Variants in GALM observed in about 807,000 individuals in gnomAD.
GALM encodes the protein galactose mutarotase, also known as aldose 1-epimerase.
A neutral mutation model predicts 37.4 loss-of-function variants in GALM; 43 were observed. The ratio of observed to expected loss-of-function variants is 1.15; its 90% CI spans 0.90 to 1.48. The LOEUF (loss-of-function observed/expected upper bound fraction) is 1.48, where lower values mean the gene tolerates loss of function less well. Ranked by LOEUF, GALM falls within the 40% of genes most tolerant of loss-of-function variation. The pLI is 0.00. For synonymous variants in GALM, 199 were observed against 170.6 expected (o/e 1.17, Z -1.30); for missense variants, 456 against 419.1 (o/e 1.09, Z -0.77).
chr2:38,721,167 A>T (rs1666368975), intron 4 of GALM, among the ~76,000 whole-genome samples: 1 of 152,236 alleles, frequency 6.6e-6, no homozygotes, highest in Non-Finnish European at 1.5e-5. Flanking sequence ...AAGACAAGAG[A>T]TATGAATCAA....
At chr2:38,722,051 C>CG (rs1558596067) in intron 4 of GALM, among the ~76,000 whole-genome samples, 1 of 121,794 alleles carries the variant, frequency 8.2e-6, no homozygotes, top group African/African-American at 2.9e-5. Flanking sequence ...CCCCCCCCCC[C>CG]CACCTAGAAC....
chr2:38,702,212 C>G (rs1665934451), intron 4 of GALM, among the ~76,000 whole-genome samples: 1 of 152,084 alleles, frequency 6.6e-6, no homozygotes, highest in African/African-American at 2.4e-5. Context: ...TAAGATCTAT[C>G]TTCCATGTAA....
chr2:38,678,237 C>T (rs148396588), intron 2 of GALM, among the ~76,000 whole-genome samples: 1,775 of 152,056 alleles, frequency 0.012, 29 homozygotes, highest in African/African-American at 0.039. Context: ...CTCAAACTCC[C>T]GACCTCAGGT....
rs1664925662 is a variant in GALM at position 38,666,158 on chromosome 2, C to T, written c.-4C>T. 1.2e-6 allele frequency: 2 copies of T among 1,609,266 alleles called. No homozygotes were observed. The highest frequency in any genetic ancestry group is 1.7e-6 in the Non-Finnish European group (2 of 1,177,310). On this transcript the variant is annotated 5_prime_UTR_variant, in exon 1 of 7. Coordinates refer to ENST00000272252, the MANE Select transcript of GALM (RefSeq NM_138801.3). ...GCAGTGGCTGCACACGCCAAACTTT[C>T]CCTATGGCTTCGGTGACCAGGGCCG...
Position 38,675,546 on chromosome 2 carries a change from TGTGTGTGTGTGTGTGTG to T in GALM, c.191-365_191-349del, listed in dbSNP as rs1558577691. Reference sequence around the variant, plus strand: ...TTTTTGTTTTTTTTTTTTTTTTTTGTGTGTGTGTGTGTGTGTGTGTGTGTGTGTGTGTGTGTGTGTGT... The same window carrying T: ...TTTTTGTTTTTTTTTTTTTTTTTTGTTGTGTGTGTGTGTGTGTGTGTGTGT... On this transcript the variant is annotated intron_variant, in intron 1 of 6. Coordinates refer to ENST00000272252, the MANE Select transcript of GALM (RefSeq NM_138801.3). 5.1e-3 allele frequency among the ~76,000 whole-genome samples: 349 copies of T among 67,830 alleles called. 13 individuals are homozygous for T. Among genetic ancestry groups the T allele is most frequent in the African/African-American group, 0.025 (325 of 12,994 alleles). 44.5% of individuals were successfully genotyped at this position (67,830 alleles called of 152,430 possible). A position where few individuals can be genotyped will look rare whatever the true frequency, so the allele number is the denominator to read the frequency against.
At chr2:38,691,522 A>G (rs1301654843) in intron 4 of GALM, among the ~76,000 whole-genome samples, 2 of 150,446 alleles carry the variant, frequency 1.3e-5, no homozygotes, top group Admixed American at 1.3e-4. Flanking sequence ...TCAACAAAAA[A>G]TTGAAAAAAA....
At chr2:38,715,987 T>C (rs185759997) in intron 4 of GALM, among the ~76,000 whole-genome samples, 40 of 152,334 alleles carry the variant, frequency 2.6e-4, no homozygotes, top group Admixed American at 5.9e-4. Flanking sequence ...AGCCAGCCTT[T>C]AAATCCAGGC....
At chr2:38,708,715 C>A (rs62142659) in intron 4 of GALM, among the ~76,000 whole-genome samples, 1 of 136,794 alleles carries the variant, frequency 7.3e-6, no homozygotes, top group Admixed American at 7.9e-5. Flanking sequence ...GGTGATAGAG[C>A]GAGACTCTGT....
chr2:38,669,522 C>CG (rs1410288052), intron 1 of GALM: 1 of 152,242 alleles, frequency 6.6e-6, no homozygotes, highest in Non-Finnish European at 1.5e-5. Flanking sequence ...GTCTGCGGCT[C>CG]GTCCTGCTAC....
At chr2:38,716,127 G>A (rs554535823) in intron 4 of GALM, among the ~76,000 whole-genome samples, 11 of 152,316 alleles carry the variant, frequency 7.2e-5, no homozygotes, top group African/African-American at 2.6e-4. Flanking sequence ...GGGATATGCA[G>A]TTTGCCTAAT....
At chr2:38,729,409 T>A (rs1486126716) in intron 4 of GALM, 147 bp from the exon 5 acceptor site, 3 of 477,760 alleles carry the variant, frequency 6.3e-6, no homozygotes, top group African/African-American at 4.0e-5. Flanking sequence ...ATGGGGTCTC[T>A]GCATGTTTCC....
chr2:38,721,302 G>C (rs929161787), intron 4 of GALM, among the ~76,000 whole-genome samples: 17 of 152,290 alleles, frequency 1.1e-4, no homozygotes, highest in Middle Eastern at 3.4e-3. Flanking sequence ...GATCTGGAAT[G>C]TTATAAAGTC....
At chr2:38,691,071 G>A (rs958529303) in intron 4 of GALM, among the ~76,000 whole-genome samples, 1 of 152,150 alleles carries the variant, frequency 6.6e-6, no homozygotes, top group Admixed American at 6.5e-5. Context: ...TGGTCCTAGA[G>A]GCAGAATTAC....
At chr2:38,729,486 T>C in intron 4 of GALM, 70 bp from the exon 5 acceptor site, 2 of 1,421,808 alleles carry the variant, frequency 1.4e-6, no homozygotes, top group Non-Finnish European at 1.9e-6. Context: ...CCAGTGAGCC[T>C]TTGTGGAGGC....
At chr2:38,674,478 G>A (rs886423874) in intron 1 of GALM, among the ~76,000 whole-genome samples, 7 of 152,226 alleles carry the variant, frequency 4.6e-5, no homozygotes, top group African/African-American at 1.4e-4. Flanking sequence ...GTGAGCCACC[G>A]CGCCTGGACA....
chr2:38,720,002 G>A (rs1666344356), intron 4 of GALM, among the ~76,000 whole-genome samples: 1 of 151,710 alleles, frequency 6.6e-6, no homozygotes, highest in South Asian at 2.1e-4. Context: ...AGGAGTTTGA[G>A]ACCAGCCTGG....
intron 4 of GALM, among the ~76,000 whole-genome samples, chr2:38,729,190 T>A (rs1666545229): frequency 6.6e-6 from 1 of 150,914 alleles, no homozygotes. Context: ...TTCCCCACCC[T>A]CTCCATATTT....
Position 38,669,879 on chromosome 2 carries a change from GA to G in GALM, c.190+3537del, listed in dbSNP as rs1203651225. 6.6e-5 allele frequency among the ~76,000 whole-genome samples: 9 copies of G among 136,648 alleles called. No individual in the cohort carries two copies. The East Asian group carries it at 1.2e-3, about 18-fold the overall frequency. The allele number at this position is 136,648 out of a possible 152,430, so 89.6% of individuals were successfully genotyped here. On this transcript the variant is annotated intron_variant, in intron 1 of 6. Transcript: ENST00000272252. ...AAAGCAAGACTTCATCTCAAAAGAA[GA>G]AAAAAAAAGTTTTTCTTTTTTTTTT...
intron 2 of GALM, chr2:38,680,260 G>T (rs1000548269): frequency 2.0e-5 from 5 of 252,544 alleles, no homozygotes; most frequent in Non-Finnish European, 3.9e-5. Flanking sequence ...GAGCTCAAGC[G>T]ATCCTCCTGC....
Sources: gnomAD v4.1 joint callset for allele counts (sites outside exome capture counted in the v4.1 genomes callset) on GRCh38, gnomAD v4.1.1 for gene constraint, MANE v1.5 for transcripts, NCBI Gene and HGNC (gene_info 2026-07-23, HGNC 2026-07-21) for gene names.